Variants in ANKRD11 observed in about 807,000 individuals in gnomAD.
ANKRD11 encodes the protein ankyrin repeat domain 11.
Under a neutral mutation model 195.7 loss-of-function variants are expected in ANKRD11, and 17 were observed. That is an observed-to-expected ratio of 0.09 (90% confidence interval 0.06 to 0.13). The LOEUF (loss-of-function observed/expected upper bound fraction) is 0.13, where lower values mean the gene tolerates loss of function less well. Among genes scored for constraint, ANKRD11 ranks in the 10% least tolerant of loss-of-function variants. The pLI, the probability that ANKRD11 is intolerant of heterozygous loss-of-function variation, is 1.00. For synonymous variants in ANKRD11, 1,953 were observed against 1,528.1 expected (o/e 1.28, Z -6.49); for missense variants, 3,735 against 3,566.1 (o/e 1.05, Z -1.21).
chr16:89,452,991 G>C (rs1597455199), intron 1 of ANKRD11, among the ~76,000 whole-genome samples: 1 of 151,776 alleles, frequency 6.6e-6, no homozygotes, highest in South Asian at 2.1e-4. Context: ...TCCTTATGTT[G>C]CCCAGGCTGG....
Position 89,490,529 on chromosome 16 carries a change from C to G in ANKRD11, c.-429G>C, listed in dbSNP as rs1197047414. 8 of 469,046 alleles carry G rather than the reference C, an allele frequency of 1.7e-5. No individual in the cohort carries two copies. The highest frequency in any genetic ancestry group is 1.5e-4 in the East Asian group (4 of 27,496). 29.1% of individuals were successfully genotyped at this position (469,046 alleles called of 1,614,324 possible). A position where few individuals can be genotyped will look rare whatever the true frequency, so the allele number is the denominator to read the frequency against. On this transcript the variant is annotated 5_prime_UTR_variant, in exon 1 of 13. Transcript: ENST00000301030. ...GCGGCGCCTCCCCGGCTGGGGCCCT[C>G]GGTCCATCGCGCACCGTCTCAGGGC...
chr16:89,367,881 G>A (rs2040016214), intron 2 of ANKRD11, among the ~76,000 whole-genome samples: 1 of 152,074 alleles, frequency 6.6e-6, no homozygotes, highest in Non-Finnish European at 1.5e-5. Context: ...TGGTGTGCTT[G>A]TGGTACCGGC....
intron 1 of ANKRD11, among the ~76,000 whole-genome samples, chr16:89,455,607 C>A (rs554769932): frequency 1.2e-4 from 18 of 151,978 alleles, no homozygotes; most frequent in Non-Finnish European, 2.5e-4. Context: ...TTCTAACAAG[C>A]AGAGAACGCC....
chr16:89,309,577 AGGCGCCTGTGT>A (rs975237668), intron 3 of ANKRD11, among the ~76,000 whole-genome samples: 1 of 152,242 alleles, frequency 6.6e-6, no homozygotes, highest in Non-Finnish European at 1.5e-5. Flanking sequence ...CACATGGGCA[AGGCGCCTGTGT>A]GACACGAGGC....
At chr16:89,426,345 G>A (rs919476700) in intron 1 of ANKRD11, among the ~76,000 whole-genome samples, 1 of 152,080 alleles carries the variant, frequency 6.6e-6, no homozygotes, top group African/African-American at 2.4e-5. Flanking sequence ...GGAGAAGGTG[G>A]AGGAAGGACA....
intron 1 of ANKRD11, among the ~76,000 whole-genome samples, chr16:89,441,175 G>A (rs1190298313): frequency 2.0e-5 from 3 of 151,868 alleles, no homozygotes; most frequent in Admixed American, 6.6e-5. Flanking sequence ...GGCAGAGATC[G>A]CAGTGAGCCA....
intron 9 of ANKRD11, chr16:89,278,205 G>A (rs2033825368): frequency 6.3e-6 from 2 of 319,260 alleles, no homozygotes; most frequent in South Asian, 5.0e-5. Flanking sequence ...GAGAACAGGA[G>A]GGCAGGGGAG....
intron 2 of ANKRD11, among the ~76,000 whole-genome samples, chr16:89,389,037 G>A (rs1387241804): frequency 6.6e-6 from 1 of 152,196 alleles, no homozygotes; most frequent in Non-Finnish European, 1.5e-5. Flanking sequence ...CATGGAAGGT[G>A]GAACAATTTG....
At chr16:89,313,313 A>C in intron 3 of ANKRD11, 1 of 1,287,060 alleles carries the variant, frequency 7.8e-7, no homozygotes, top group South Asian at 1.2e-5. Context: ...GTAGCCCTGC[A>C]CACCTTTGGA....
intron 1 of ANKRD11, among the ~76,000 whole-genome samples, chr16:89,440,834 A>G (rs1033355361): frequency 1.3e-5 from 2 of 152,220 alleles, no homozygotes; most frequent in African/African-American, 4.8e-5. Flanking sequence ...CATCAACAGG[A>G]ACATCTGTGG....
chr16:89,309,657 T>A (rs895040138), intron 3 of ANKRD11, among the ~76,000 whole-genome samples: 1 of 152,184 alleles, frequency 6.6e-6, no homozygotes, highest in African/African-American at 2.4e-5. Flanking sequence ...GCGGCTCCCA[T>A]CCACCTGGGC....
intron 1 of ANKRD11, among the ~76,000 whole-genome samples, chr16:89,418,941 G>A (rs1194701316): frequency 2.0e-5 from 3 of 151,784 alleles, no homozygotes; most frequent in Non-Finnish European, 4.4e-5. Flanking sequence ...CGGCTGATCT[G>A]GACCTCCTGA....
chr16:89,280,677 C>G lies in ANKRD11; in HGVS notation c.5865G>C (p.Glu1955Asp). 6.2e-7 allele frequency: 1 copy of G among 1,613,414 alleles called. No homozygotes were observed. The highest frequency in any genetic ancestry group is 8.5e-7 in the Non-Finnish European group (1 of 1,179,934). Residue 1955 changes from glutamate to aspartate, a missense_variant, in exon 9 of 13, where the codon GAG becomes GAC. Glu to Asp is a conservative substitution (Grantham distance 45). Coordinates refer to ENST00000301030, the MANE Select transcript of ANKRD11 (RefSeq NM_013275.6). Reference protein sequence around the residue: ...EEPVEWAHPSEQALASSLIGG... With the variant: ...EEPVEWAHPSDQALASSLIGG... ...CGATCAGGCTAGAGGCAAGCGCCTG[C>G]TCGGAGGGGTGGGCCCACTCAACGG...
At position 89,281,350 on chromosome 16, in the gene ANKRD11, T is replaced by C; in HGVS notation, c.5192A>G (p.Asp1731Gly). 1.2e-6 allele frequency: 2 copies of C among 1,611,716 alleles called. No homozygotes were observed. Among genetic ancestry groups the C allele is most frequent in the Non-Finnish European group, 1.7e-6 (2 of 1,178,178 alleles). ...TPRTPSCSAD[D>G]YADLVFDCAD... ...GCAGTCGAACACGAGGTCCGCGTAG[T>C]CATCGGCGCTGCAGGACGGGGTCCT... Residue 1731 changes from aspartate (D) to glycine (G), a missense_variant, in exon 9 of 13, where the codon GAC becomes GGC. Coordinates refer to ENST00000301030, the MANE Select transcript of ANKRD11 (RefSeq NM_013275.6). This position sits in a 1 kb window ranked among gnomAD's most constrained non-coding sequence, Gnocchi z 5.5.
intron 2 of ANKRD11, among the ~76,000 whole-genome samples, chr16:89,403,925 A>G (rs574639272): frequency 1.4e-4 from 21 of 152,322 alleles, no homozygotes; most frequent in Admixed American, 1.3e-4. Context: ...CTTGTCTCTT[A>G]AAAAAGCAAA....
At chr16:89,324,149 T>C (rs1384780276) in intron 2 of ANKRD11, 1 of 1,011,212 alleles carries the variant, frequency 9.9e-7, no homozygotes, top group African/African-American at 1.7e-5. Flanking sequence ...TGCAGCCCTG[T>C]TTCCACTCAC....
intron 1 of ANKRD11, among the ~76,000 whole-genome samples, chr16:89,448,175 G>A (rs2043892686): frequency 6.6e-6 from 1 of 151,982 alleles, no homozygotes; most frequent in Non-Finnish European, 1.5e-5. Context: ...GCAGACAGTG[G>A]GCACCCTGCA....
rs550782131 is a variant in ANKRD11 at position 89,468,342 on chromosome 16, CG to C, written c.-145+21902del. Among the ~76,000 whole-genome samples the C allele has an allele frequency of 3.9e-5, 6 of 152,220 alleles. No homozygotes were observed. In the East Asian group the frequency reaches 7.7e-4, roughly 20 times the overall value. On this transcript the variant is annotated intron_variant, in intron 1 of 12. Coordinates refer to ENST00000301030, the MANE Select transcript of ANKRD11 (RefSeq NM_013275.6). ...AGTGCAGCTCCTCCAATCATGAGGT[CG>C]GGGGGAAAGTCTATTTTGCACCCCT...
At chr16:89,307,217 C>T (rs560727014) in intron 3 of ANKRD11, among the ~76,000 whole-genome samples, 2 of 152,328 alleles carry the variant, frequency 1.3e-5, no homozygotes, top group Non-Finnish European at 2.9e-5. Flanking sequence ...GCACCGGAGG[C>T]CTCAGCTGCT....
Sources: gnomAD v4.1 joint callset for allele counts (sites outside exome capture counted in the v4.1 genomes callset) on GRCh38, gnomAD v4.1.1 for gene constraint, Gnocchi (gnomAD v3.1) non-coding constraint, MANE v1.5 for transcripts, NCBI Gene and HGNC (gene_info 2026-07-23, HGNC 2026-07-21) for gene names.